Variants in MAF observed in about 807,000 individuals in gnomAD.
MAF encodes MAF bZIP transcription factor.
MAF carries 10 observed loss-of-function variants against 22.0 expected under a neutral mutation model. The observed-to-expected ratio is 0.45, with a 90% confidence interval of 0.28 to 0.77. The LOEUF is 0.77. Among genes scored for constraint, MAF ranks in the 30% least tolerant of loss-of-function variants. The pLI, the probability that MAF is intolerant of heterozygous loss-of-function variation, is 0.12. For missense variants in MAF, 544 were observed against 548.4 expected (o/e 0.99, Z 0.08); for synonymous variants, 337 against 255.8 (o/e 1.32, Z -3.03).
chr16:79,210,907 A>AT, the MAF span, among the ~76,000 whole-genome samples: 1 of 152,188 alleles, frequency 6.6e-6, no homozygotes, highest in Non-Finnish European at 1.5e-5. Flanking sequence ...CTGGGAGGAA[A>AT]TGTACCCCCT....
rs1798703640 is a variant in MAF at position 79,594,326 on chromosome 16, T to C, written c.*134A>G. 7.1e-6 allele frequency: 6 copies of C among 843,284 alleles called. No individual in the cohort carries two copies. The South Asian group carries it at 8.9e-5, about 13-fold the overall frequency. 52.2% of individuals were successfully genotyped at this position (843,284 alleles called of 1,614,324 possible). A position where few individuals can be genotyped will look rare whatever the true frequency, so the allele number is the denominator to read the frequency against. ...AGGCATAGTTAACTACTACATTTAA[T>C]AGCCTTCTTCTCTAACACAGTAATT... is the stretch of plus-strand genomic sequence containing the variant. On this transcript the variant is annotated 3_prime_UTR_variant, in exon 2 of 2. Transcript: ENST00000326043.
At chr16:79,495,577 T>C in the MAF span, among the ~76,000 whole-genome samples, 1 of 152,226 alleles carries the variant, frequency 6.6e-6, no homozygotes, top group Non-Finnish European at 1.5e-5. Flanking sequence ...TATGCCACAG[T>C]TTCTTTTTGC....
At chr16:79,456,610 A>G in the MAF span, among the ~76,000 whole-genome samples, 2 of 152,198 alleles carry the variant, frequency 1.3e-5, no homozygotes, top group African/African-American at 4.8e-5. Flanking sequence ...AGCTGGCTCA[A>G]TTAGAGAAAG....
At chr16:79,493,369 A>G in the MAF span, among the ~76,000 whole-genome samples, 1 of 152,018 alleles carries the variant, frequency 6.6e-6, no homozygotes, top group Non-Finnish European at 1.5e-5. Flanking sequence ...TTTAGTAGAG[A>G]TGGGGTTTCA....
At chr16:79,505,349 G>A in the MAF span, among the ~76,000 whole-genome samples, 24 of 152,160 alleles carry the variant, frequency 1.6e-4, no homozygotes, top group Non-Finnish European at 3.1e-4. Context: ...CTACTGCAAG[G>A]TGACAATTTG....
chr16:79,312,433 A>G, the MAF span, among the ~76,000 whole-genome samples: 4 of 152,162 alleles, frequency 2.6e-5, no homozygotes, highest in African/African-American at 4.8e-5. Flanking sequence ...ACCTCCATAC[A>G]TGCATTTCAC....
chr16:79,486,641 A>G, the MAF span, among the ~76,000 whole-genome samples: 1 of 152,230 alleles, frequency 6.6e-6, no homozygotes, highest in East Asian at 1.9e-4. Context: ...AGCAGGACTT[A>G]CCAGTGCCTT....
chr16:79,314,812 T>G, the MAF span, among the ~76,000 whole-genome samples: 1 of 152,120 alleles, frequency 6.6e-6, no homozygotes, highest in Non-Finnish European at 1.5e-5. Flanking sequence ...ATCCACTTCC[T>G]TCCCTTCCTA....
chr16:79,292,627 C>T, the MAF span, among the ~76,000 whole-genome samples: 1 of 152,098 alleles, frequency 6.6e-6, no homozygotes. Context: ...AGGGGCTGGT[C>T]ACAATGAGGT....
At chr16:79,545,407 G>T in the MAF span, among the ~76,000 whole-genome samples, 12 of 152,110 alleles carry the variant, frequency 7.9e-5, no homozygotes, top group African/African-American at 2.9e-4. Context: ...AGAGATTCAA[G>T]GGGACAGCAG....
the MAF span, among the ~76,000 whole-genome samples, chr16:79,261,191 C>T: frequency 6.6e-6 from 1 of 152,110 alleles, no homozygotes; most frequent in African/African-American, 2.4e-5. Flanking sequence ...TTGCTCTTGT[C>T]ACCCAGGCTG....
chr16:79,324,309 T>C, the MAF span, among the ~76,000 whole-genome samples: 2 of 152,274 alleles, frequency 1.3e-5, no homozygotes, highest in South Asian at 2.1e-4. Flanking sequence ...TGGGTTTGAA[T>C]TGTGTGGGTC....
At chr16:79,216,840 C>T in the MAF span, among the ~76,000 whole-genome samples, 6 of 148,268 alleles carry the variant, frequency 4.0e-5, no homozygotes, top group African/African-American at 7.5e-5. Context: ...GATGGAGTCT[C>T]GCTCTGTCAC....
At chr16:79,351,164 G>T in the MAF span, among the ~76,000 whole-genome samples, 1 of 152,174 alleles carries the variant, frequency 6.6e-6, no homozygotes, top group Non-Finnish European at 1.5e-5. Flanking sequence ...GTGGGGTTCA[G>T]TTTCTCTTTT....
the MAF span, among the ~76,000 whole-genome samples, chr16:79,572,888 G>C: frequency 6.6e-6 from 1 of 152,222 alleles, no homozygotes; most frequent in Non-Finnish European, 1.5e-5. Flanking sequence ...TCTGTGAATA[G>C]TCTGTGCTAT....
chr16:79,484,515 T>C, the MAF span, among the ~76,000 whole-genome samples: 8 of 152,164 alleles, frequency 5.3e-5, no homozygotes, highest in East Asian at 7.7e-4. Flanking sequence ...TCACTTTTCA[T>C]AGTCTTTGGT....
At chr16:79,527,511 C>T in the MAF span, among the ~76,000 whole-genome samples, 2 of 152,176 alleles carry the variant, frequency 1.3e-5, no homozygotes, top group East Asian at 1.9e-4. Flanking sequence ...CTTATGCCAA[C>T]ATTTGGTGAC....
the MAF span, among the ~76,000 whole-genome samples, chr16:79,544,989 T>C: frequency 1.3e-5 from 2 of 152,130 alleles, no homozygotes; most frequent in African/African-American, 2.4e-5. Flanking sequence ...TGGTTCTCTA[T>C]GAACTCAAGC....
At chr16:79,340,589 T>C in the MAF span, among the ~76,000 whole-genome samples, 762 of 151,952 alleles carry the variant, frequency 5.0e-3, 6 homozygotes, top group African/African-American at 0.017. Flanking sequence ...GATAATTCTT[T>C]GTGGTGGGAC....
Sources: gnomAD v4.1 joint callset for allele counts (sites outside exome capture counted in the v4.1 genomes callset) on GRCh38, gnomAD v4.1.1 for gene constraint, MANE v1.5 for transcripts, NCBI Gene and HGNC (gene_info 2026-07-23, HGNC 2026-07-21) for gene names.